Variants in CD163L1 observed in about 807,000 individuals in gnomAD.
CD163L1 encodes the protein CD163 molecule like 1, also known as scavenger receptor cysteine-rich type 1 protein M160.
CD163L1 carries 124 observed loss-of-function variants against 165.4 expected under a neutral mutation model. The observed-to-expected ratio is 0.75, with a 90% CI of 0.65 to 0.87. The LOEUF (loss-of-function observed/expected upper bound fraction) is 0.87, where lower values mean the gene tolerates loss of function less well. Among genes scored for constraint, CD163L1 ranks in the 40% least tolerant of loss-of-function variants. The probability of loss-of-function intolerance (pLI) is 0.00; values close to 1 mark genes in which losing one functional copy is unlikely to be tolerated. For synonymous variants in CD163L1, 585 were observed against 662.2 expected (o/e 0.88, Z 1.79); for missense variants, 1,525 against 1,799.9 (o/e 0.85, Z 2.76).
intron 8 of CD163L1, among the ~76,000 whole-genome samples, chr12:7,386,899 C>T (rs1347015703): frequency 6.6e-6 from 1 of 152,052 alleles, no homozygotes; most frequent in Admixed American, 6.6e-5. Flanking sequence ...AAAGTCTTAC[C>T]TATAAGAACT....
rs1355361262 is a variant in CD163L1 at position 7,375,159 on chromosome 12, T to A, written c.3001+122A>T. The A allele has an allele frequency of 1.2e-5, 12 of 979,938 alleles. No individual in the cohort carries two copies. In the East Asian group the frequency reaches 3.1e-4, roughly 25 times the overall value. The allele number at this position is 979,938 out of a possible 1,614,324, so 60.7% of individuals were successfully genotyped here. ...TTTCTTACATGTTACTCTTTGACTG[T>A]CATGCCTATCCCCCCTCCACCTGCA... On this transcript the variant is annotated intron_variant, in intron 11 of 19. Transcript: ENST00000313599.
At chr12:7,380,310 T>TATAC (rs1947359989) in intron 8 of CD163L1, among the ~76,000 whole-genome samples, 1 of 147,024 alleles carries the variant, frequency 6.8e-6, no homozygotes, top group African/African-American at 2.6e-5. Flanking sequence ...TGTATACACA[T>TATAC]ATACATACAT....
chr12:7,367,061 T>G (rs938912233), intron 18 of CD163L1, among the ~76,000 whole-genome samples, 175 bp downstream of exon 18: 2 of 152,202 alleles, frequency 1.3e-5, no homozygotes, highest in Non-Finnish European at 2.9e-5. Context: ...TATATTCCAG[T>G]TTTCTTAATT....
At chr12:7,407,384 T>A (rs1306399727) in intron 4 of CD163L1, among the ~76,000 whole-genome samples, 2 of 152,024 alleles carry the variant, frequency 1.3e-5, no homozygotes, top group African/African-American at 2.4e-5. Flanking sequence ...TACTCTTGAA[T>A]GAAATGGAAC....
intron 2 of CD163L1, among the ~76,000 whole-genome samples, chr12:7,435,350 C>T (rs193125128): frequency 1.3e-4 from 19 of 151,332 alleles, no homozygotes; most frequent in African/African-American, 4.6e-4. Flanking sequence ...TGACTATGGA[C>T]TAGTATCTAG....
chr12:7,422,773 G>A (rs182399782), intron 4 of CD163L1, among the ~76,000 whole-genome samples: 1,569 of 90,418 alleles, frequency 0.017, 29 homozygotes, highest in African/African-American at 0.047. Context: ...GTGTGTGTGT[G>A]TATATATATA....
At chr12:7,379,867 GTT>G (rs199865477) in intron 8 of CD163L1, among the ~76,000 whole-genome samples, 3 of 144,442 alleles carry the variant, frequency 2.1e-5, no homozygotes, top group Admixed American at 6.9e-5. Context: ...GAGTAGGTAA[GTT>G]TTTTTTTTTT....
chr12:7,440,121 C>G, intron 2 of CD163L1: 10 of 741,768 alleles, frequency 1.3e-5, no homozygotes, highest in Non-Finnish European at 2.3e-5. Flanking sequence ...TTGGACCCGC[C>G]GCGCCAGCGT....
chr12:7,378,882 A>G, intron 9 of CD163L1, 96 bp downstream of exon 9: 1 of 1,111,110 alleles, frequency 9.0e-7, no homozygotes, highest in South Asian at 1.6e-5. Context: ...TTTACTTTTG[A>G]CCTAATACTG....
the CD163L1 span, among the ~76,000 whole-genome samples, chr12:7,327,300 C>T: frequency 4.0e-4 from 61 of 152,280 alleles, 2 homozygotes; most frequent in South Asian, 0.012. Flanking sequence ...CTTTAATCAA[C>T]TCTGCAATAC....
At chr12:7,323,147 C>A in the CD163L1 span, 1 of 1,313,086 alleles carries the variant, frequency 7.6e-7, no homozygotes, top group Non-Finnish European at 1.1e-6. Context: ...GAAAATCAGT[C>A]AAAATCAAAT....
chr12:7,416,739 A>T (rs2136564954), intron 4 of CD163L1, among the ~76,000 whole-genome samples: 1 of 151,986 alleles, frequency 6.6e-6, no homozygotes, highest in African/African-American at 2.4e-5. Context: ...GGTGTGTGGC[A>T]TTATTTCTGA....
chr12:7,327,168 G>A, the CD163L1 span: 1 of 1,452,392 alleles, frequency 6.9e-7, no homozygotes, highest in Non-Finnish European at 9.2e-7. Context: ...GATTTTACTG[G>A]ATTTTGATTT....
the CD163L1 span, among the ~76,000 whole-genome samples, chr12:7,333,356 A>G: frequency 6.6e-6 from 1 of 152,224 alleles, no homozygotes; most frequent in Non-Finnish European, 1.5e-5. Context: ...CCACTCAACC[A>G]CATGGAAACT....
At chr12:7,330,791 C>T in the CD163L1 span, among the ~76,000 whole-genome samples, 1 of 152,166 alleles carries the variant, frequency 6.6e-6, no homozygotes, top group African/African-American at 2.4e-5. Flanking sequence ...TTCAAGAGTT[C>T]CTCTGGCAAG....
At chr12:7,342,134 A>G (rs1946641503), downstream of CD163L1, among the ~76,000 whole-genome samples, 3 of 152,314 alleles carry the variant, frequency 2.0e-5, no homozygotes, top group South Asian at 6.2e-4. Flanking sequence ...ATCTGGCCAT[A>G]AACTGGCCCC....
chr12:7,395,023 G>A (rs1402299446), intron 8 of CD163L1, among the ~76,000 whole-genome samples: 1 of 152,176 alleles, frequency 6.6e-6, no homozygotes, highest in Admixed American at 6.5e-5. Context: ...AACCATTGTG[G>A]AAGACAGTGT....
chr12:7,434,884 G>T lies in CD163L1; in HGVS notation c.125-1190C>A, dbSNP rs115026843. ...TTAACCATAAGTCTTCATTCAGTGTGGTCTTGCCTATACTATACTCATAAC... is the reference window on the plus strand; with the variant it reads ...TTAACCATAAGTCTTCATTCAGTGTTGTCTTGCCTATACTATACTCATAAC... On this transcript the variant is annotated intron_variant, in intron 2 of 19. Coordinates refer to ENST00000313599, the MANE Select transcript of CD163L1 (RefSeq NM_174941.6). Among the ~76,000 whole-genome samples, 420 of 152,094 alleles carry T rather than the reference G, an allele frequency of 2.8e-3. 2 individuals carry two copies. Among genetic ancestry groups the T allele is most frequent in the African/African-American group, 9.6e-3 (399 of 41,478 alleles).
intron 8 of CD163L1, among the ~76,000 whole-genome samples, chr12:7,389,179 A>C (rs1234785396): frequency 6.6e-6 from 1 of 152,232 alleles, no homozygotes; most frequent in African/African-American, 2.4e-5. Context: ...AGGAACCTCC[A>C]AACTGTTCCC....
Sources: allele counts gnomAD v4.1 joint callset (sites outside exome capture counted in the v4.1 genomes callset), GRCh38; gene constraint gnomAD v4.1.1; transcripts MANE v1.5; gene names NCBI Gene and HGNC (gene_info 2026-07-23, HGNC 2026-07-21).